Variants in COPA observed in about 807,000 individuals in gnomAD.
COPA encodes coatomer subunit alpha.
COPA carries 10 observed loss-of-function variants against 158.7 expected under a neutral mutation model. The ratio of observed to expected loss-of-function variants is 0.06; its 90% CI spans 0.04 to 0.11. The LOEUF is 0.11. COPA is among the 10% of genes least tolerant of loss of function. COPA has a pLI of 1.00. For synonymous variants in COPA, 462 were observed against 542.8 expected (o/e 0.85, Z 2.07); for missense variants, 1,065 against 1,536.7 (o/e 0.69, Z 5.13).
At chr1:160,316,218 C>T (rs1296641823) in intron 8 of COPA, among the ~76,000 whole-genome samples, 2 of 151,908 alleles carry the variant, frequency 1.3e-5, no homozygotes, top group Non-Finnish European at 2.9e-5. Flanking sequence ...ATTAGCCAGA[C>T]CTGGTGGTGG....
intron 2 of COPA, 83 bp from the exon 3 acceptor site, chr1:160,340,065 T>A: frequency 1.3e-6 from 2 of 1,534,908 alleles, no homozygotes; most frequent in Non-Finnish European, 1.8e-6. Context: ...GATTTTTCAG[T>A]TCTATCATTT....
intron 8 of COPA, among the ~76,000 whole-genome samples, chr1:160,320,987 A>G (rs971020706): frequency 2.0e-5 from 3 of 152,180 alleles, no homozygotes; most frequent in Non-Finnish European, 2.9e-5. Context: ...TAGTATACTG[A>G]TAAGATCATT....
chr1:160,291,856 G>C lies in COPA; in HGVS notation c.3221C>G (p.Pro1074Arg), dbSNP rs1658244652. 6.2e-7 allele frequency: 1 copy of C among 1,614,036 alleles called. No homozygotes were observed. The highest frequency in any genetic ancestry group is 8.5e-7 in the Non-Finnish European group (1 of 1,180,018). ...CTTCTGCTGTTCTAGAGTCTCTTTG[G>C]GCAGCTTCTTCCTTTCTGTCTCCAC... The part of the protein sequence containing the change: ...LSVETERKKL[P>R]KETLEQQKRI... The change falls in exon 30 of 33, where the codon CCC becomes CGC. Residue 1074 changes from proline (P) to arginine (R), a missense_variant. Physicochemically the swap from Pro to Arg is moderately radical, Grantham distance 103 (BLOSUM62 -2). Transcript: ENST00000241704.
In COPA at chr1:160,289,032, G is replaced by A. The variant is rs1409920779; in HGVS notation, c.*1125C>T. ...GTCGCCCAGGCTGGAGTGCGGTGGC[G>A]CGATCTCAGCTTACTGCAACCTCCG... On this transcript the variant is annotated 3_prime_UTR_variant, in exon 33 of 33. Coordinates refer to ENST00000241704, the MANE Select transcript of COPA (RefSeq NM_004371.4). 3.3e-5 allele frequency among the ~76,000 whole-genome samples: 5 copies of A among 151,654 alleles called. No homozygotes were observed. Among genetic ancestry groups the A allele is most frequent in the South Asian group, 2.1e-4 (1 of 4,776 alleles).
chr1:160,337,094 T>C (rs1358462173), intron 3 of COPA, among the ~76,000 whole-genome samples: 1 of 152,224 alleles, frequency 6.6e-6, no homozygotes, highest in African/African-American at 2.4e-5. Context: ...GACCATACCA[T>C]AAACACTATT....
chr1:160,314,296 T>C lies in COPA; in HGVS notation c.707-171A>G, dbSNP rs547174321. Among the ~76,000 whole-genome samples the C allele has an allele frequency of 2.0e-5, 3 of 152,288 alleles. No homozygotes were observed. In the East Asian group the frequency reaches 5.8e-4, roughly 29 times the overall value. The stretch of plus-strand genomic sequence containing the variant: ...ATTTAAGTCTCTTAATCTTTACATG[T>C]CTTGGTTCTTTCATTCTGACCCTCT... On this transcript the variant is annotated intron_variant, in intron 8 of 32. Coordinates refer to ENST00000241704, the MANE Select transcript of COPA (RefSeq NM_004371.4).
At chr1:160,329,603 T>G (rs1278010768) in intron 6 of COPA, among the ~76,000 whole-genome samples, 1 of 151,854 alleles carries the variant, frequency 6.6e-6, no homozygotes, top group African/African-American at 2.4e-5. Flanking sequence ...GGCACAAACA[T>G]TACTTTTACA....
intron 13 of COPA, 179 bp downstream of exon 13, chr1:160,308,922 G>A: frequency 1.8e-6 from 1 of 546,094 alleles, no homozygotes; most frequent in Non-Finnish European, 3.3e-6. Flanking sequence ...ATAAAATGGA[G>A]GAGGAACATG....
At position 160,312,041 on chromosome 1, in the gene COPA, G is replaced by GA. The variant is rs747439034; in HGVS notation, c.926-24dup. On this transcript the variant is annotated intron_variant, in intron 10 of 32. Coordinates refer to ENST00000241704, the MANE Select transcript of COPA (RefSeq NM_004371.4). ...GGCCTGGGGGACAGGGAGAGGAGGA[G>GA]AAAAAATTAAGCTGTAGGCAAGAAA... The GA allele has an allele frequency of 3.7e-6, 6 of 1,604,784 alleles. No homozygotes were observed. In the African/African-American group the frequency reaches 4.0e-5, roughly 11 times the overall value.
Position 160,299,254 on chromosome 1 carries a change from T to A in COPA, c.1678A>T (p.Ile560Phe). ...ATGGGTAAATCCAGAGTTCGAATGA[T>A]CCCGTGGTCCCTAAGAACAGAGGGC... ...KYAVTTGDHG[I>F]IRTLDLPIYV... is the part of the protein sequence containing the mutation. Residue 560 changes from isoleucine to phenylalanine, a missense_variant, in exon 18 of 33, where the codon ATC becomes TTC. By Grantham distance (21) the Ile-to-Phe change is conservative (BLOSUM62 0). Coordinates refer to ENST00000241704, the MANE Select transcript of COPA (RefSeq NM_004371.4). The A allele has an allele frequency of 6.2e-7, 1 of 1,611,484 alleles. No individual in the cohort carries two copies. The highest frequency in any genetic ancestry group is 8.5e-7 in the Non-Finnish European group (1 of 1,177,864).
chr1:160,317,168 A>G (rs889091056), intron 8 of COPA, among the ~76,000 whole-genome samples: 6 of 152,222 alleles, frequency 3.9e-5, no homozygotes, highest in Admixed American at 3.9e-4. Context: ...GAAGGATAGT[A>G]TTTCCCATAC....
At chr1:160,302,833 C>A (rs186900022) in intron 17 of COPA, among the ~76,000 whole-genome samples, 1 of 151,914 alleles carries the variant, frequency 6.6e-6, no homozygotes, top group African/African-American at 2.4e-5. Context: ...GGATTACAGG[C>A]GTGAGCGACC....
chr1:160,305,985 C>G (rs1303279564), intron 15 of COPA: 3 of 598,672 alleles, frequency 5.0e-6, no homozygotes, highest in Non-Finnish European at 8.9e-6. Context: ...TCAACCCCCT[C>G]TCCCTCATTT....
intron 25 of COPA, among the ~76,000 whole-genome samples, chr1:160,294,155 GCTT>G (rs1286635260): frequency 6.6e-6 from 1 of 152,136 alleles, no homozygotes; most frequent in African/African-American, 2.4e-5. Flanking sequence ...CGTTCTTCCT[GCTT>G]CTTTTACTTT....
At chr1:160,313,044 T>A in intron 10 of COPA, 41 bp downstream of exon 10, 1 of 1,562,806 alleles carries the variant, frequency 6.4e-7, no homozygotes, top group Non-Finnish European at 8.8e-7. Flanking sequence ...ACTTATAAAC[T>A]TTGAATTAAG....
intron 19 of COPA, among the ~76,000 whole-genome samples, chr1:160,298,620 C>G (rs1658492801): frequency 1.3e-5 from 2 of 152,126 alleles, no homozygotes; most frequent in Non-Finnish European, 2.9e-5. Context: ...TGAATTCACA[C>G]TAATTGAGGT....
chr1:160,296,010 A>G (rs1658389794), intron 22 of COPA, 51 bp downstream of exon 22: 2 of 1,595,280 alleles, frequency 1.3e-6, no homozygotes, highest in East Asian at 4.5e-5. Context: ...TTGTTCTAAG[A>G]TCCTAGAGTT....
chr1:160,328,564 G>A (rs940225185), intron 6 of COPA, among the ~76,000 whole-genome samples: 12 of 152,064 alleles, frequency 7.9e-5, no homozygotes, highest in African/African-American at 2.2e-4. Context: ...CTCCCAATAC[G>A]GACCAGGGAA....
At chr1:160,309,242 A>T in intron 12 of COPA, 66 bp from the exon 13 acceptor site, 3 of 1,213,558 alleles carry the variant, frequency 2.5e-6, no homozygotes, top group Non-Finnish European at 3.7e-6. Context: ...TTTCCAATTT[A>T]CTCTGACAGA....
Sources: gnomAD v4.1 joint callset for allele counts (sites outside exome capture counted in the v4.1 genomes callset) on GRCh38, gnomAD v4.1.1 for gene constraint, MANE v1.5 for transcripts, NCBI Gene and HGNC (gene_info 2026-07-23, HGNC 2026-07-21) for gene names.